CROT: variants seen among roughly 807,000 people sequenced by gnomAD.
The protein encoded by CROT is peroxisomal carnitine O-octanoyltransferase.
Under a neutral mutation model 89.2 loss-of-function variants are expected in CROT, and 84 were observed. The ratio of observed to expected loss-of-function variants is 0.94; its 90% CI spans 0.79 to 1.13. CROT has a LOEUF of 1.13. CROT is among the 50% of genes most tolerant of loss of function. The probability of loss-of-function intolerance (pLI) is 0.00; values close to 1 mark genes in which losing one functional copy is unlikely to be tolerated. For synonymous variants in CROT, 212 were observed against 239.5 expected (o/e 0.89, Z 1.06); for missense variants, 711 against 727.8 (o/e 0.98, Z 0.27).
Position 87,375,700 on chromosome 7 carries a change from G to A in CROT, c.725G>A (p.Ser242Asn), listed in dbSNP as rs1375565494. 1 of 1,613,576 alleles carries A rather than the reference G, an allele frequency of 6.2e-7. No individual in the cohort carries two copies. Residue 242 changes from serine (S) to asparagine (N), a missense_variant, in exon 8 of 18, where the codon AGT becomes AAT. Physicochemically the swap from Ser to Asn is conservative, Grantham distance 46. Coordinates refer to ENST00000331536, the MANE Select transcript of CROT (RefSeq NM_021151.4). ...GGACCTGGGATTGCAGCATTAACTA[G>A]TGAGGAGCGAACTCGATGGGCTAAG... ...PDGPGIAALT[S>N]EERTRWAKAR...
chr7:87,357,129 A>G (rs1806104911), intron 3 of CROT, among the ~76,000 whole-genome samples: 1 of 152,202 alleles, frequency 6.6e-6, no homozygotes, highest in Non-Finnish European at 1.5e-5. Flanking sequence ...AAGTGTGGAA[A>G]GTGAATGCAG....
chr7:87,391,494 C>A, intron 13 of CROT, 95 bp from the exon 14 acceptor site: 1 of 1,239,688 alleles, frequency 8.1e-7, no homozygotes, highest in Non-Finnish European at 1.1e-6. Flanking sequence ...AGGGCTTAGT[C>A]TCTGAACAAA....
chr7:87,357,735 A>G, intron 3 of CROT: 4 of 596,142 alleles, frequency 6.7e-6, no homozygotes, highest in Non-Finnish European at 1.2e-5. Context: ...TGTAAAGACT[A>G]AACTAAGCTA....
At chr7:87,383,100 G>T (rs1807075907) in intron 13 of CROT, among the ~76,000 whole-genome samples, 1 of 152,098 alleles carries the variant, frequency 6.6e-6, no homozygotes. Context: ...CATTTATTAC[G>T]TCTTCGTGTG....
At chr7:87,368,737 G>C (rs954977226) in intron 6 of CROT, among the ~76,000 whole-genome samples, 2 of 152,014 alleles carry the variant, frequency 1.3e-5, no homozygotes, top group Non-Finnish European at 2.9e-5. Flanking sequence ...AAGATCCTTG[G>C]CAAAAGGACA....
intron 4 of CROT, 31 bp downstream of exon 4, chr7:87,359,361 T>C (rs976507979): frequency 6.4e-7 from 1 of 1,556,684 alleles, no homozygotes; most frequent in Non-Finnish European, 8.7e-7. Context: ...ATAATGATGA[T>C]GTTTAAAGAA....
At chr7:87,394,292 CTT>C (rs767442653) in intron 17 of CROT, among the ~76,000 whole-genome samples, 30 of 152,134 alleles carry the variant, frequency 2.0e-4, no homozygotes, top group Non-Finnish European at 3.5e-4. Flanking sequence ...CAGTTTGTCT[CTT>C]TAGCAGATCA....
At chr7:87,384,494 T>C (rs1245807733) in intron 13 of CROT, among the ~76,000 whole-genome samples, 1 of 152,226 alleles carries the variant, frequency 6.6e-6, no homozygotes, top group Non-Finnish European at 1.5e-5. Flanking sequence ...ATCGTGCCAC[T>C]GCACTCCAGC....
At chr7:87,355,739 A>T (rs1341973501) in intron 3 of CROT, among the ~76,000 whole-genome samples, 1 of 152,200 alleles carries the variant, frequency 6.6e-6, no homozygotes, top group Non-Finnish European at 1.5e-5. Context: ...CAAATAGGTT[A>T]TCCAACTCTG....
At chr7:87,374,378 G>A (rs962287081) in intron 7 of CROT, among the ~76,000 whole-genome samples, 5 of 151,868 alleles carry the variant, frequency 3.3e-5, no homozygotes, top group African/African-American at 7.3e-5. Context: ...CTTGTAAAAC[G>A]AACATGAAAA....
At chr7:87,346,775 T>C (rs1431867587) in intron 2 of CROT, among the ~76,000 whole-genome samples, 2 of 152,236 alleles carry the variant, frequency 1.3e-5, no homozygotes, top group Non-Finnish European at 1.5e-5. Context: ...TAGTCTTCTA[T>C]TGCTGCCTTA....
At chr7:87,366,683 T>C (rs7802658) in intron 6 of CROT, among the ~76,000 whole-genome samples, 108,217 of 152,102 alleles carry the variant, frequency 0.71, 40,710 homozygotes, top group Middle Eastern at 0.83. Context: ...TTCTTTCTGG[T>C]TCTTCACCAT....
At chr7:87,396,690 TAA>T (rs11417845) in intron 17 of CROT, among the ~76,000 whole-genome samples, 1 of 148,890 alleles carries the variant, frequency 6.7e-6, no homozygotes, top group Non-Finnish European at 1.5e-5. Flanking sequence ...ATGCTGATTG[TAA>T]AAAAAAAAAA....
At chr7:87,397,952 C>G (rs1807596184) in intron 17 of CROT, among the ~76,000 whole-genome samples, 1 of 152,174 alleles carries the variant, frequency 6.6e-6, no homozygotes, top group African/African-American at 2.4e-5. Flanking sequence ...CTATTTATTT[C>G]AGCTTCCCAG....
intron 6 of CROT, among the ~76,000 whole-genome samples, chr7:87,366,606 T>C (rs2051950): frequency 0.13 from 20,180 of 152,148 alleles, 1,930 homozygotes; most frequent in African/African-American, 0.27. Flanking sequence ...TTTGGCCACA[T>C]TGTGATTTAC....
intron 13 of CROT, among the ~76,000 whole-genome samples, chr7:87,384,626 A>G (rs549473989): frequency 2.0e-5 from 3 of 152,276 alleles, no homozygotes; most frequent in East Asian, 3.9e-4. Flanking sequence ...CTGATTATTA[A>G]TTTCTTGGGA....
chr7:87,398,598 G>A lies in CROT; in HGVS notation c.1793G>A (p.Cys598Tyr). 6.2e-7 allele frequency: 1 copy of A among 1,613,654 alleles called. No individual in the cohort carries two copies. Among genetic ancestry groups the A allele is most frequent in the Non-Finnish European group, 8.5e-7 (1 of 1,179,846 alleles). The change falls in exon 18 of 18, where the codon TGT (cysteine) becomes TAT (tyrosine). Residue 598 changes from cysteine (C) to tyrosine (Y), a missense_variant. By Grantham distance (194) the Cys-to-Tyr change is radical (BLOSUM62 -2). Coordinates refer to ENST00000331536, the MANE Select transcript of CROT (RefSeq NM_021151.4). ...GAAAAGCTAGTTCAGCTGACTTTTTGTGCTTTTCATGATATGATACAGCTG... is the reference window on the plus strand; with the variant it reads ...GAAAAGCTAGTTCAGCTGACTTTTTATGCTTTTCATGATATGATACAGCTG... ...DAEKLVQLTF[C>Y]AFHDMIQLMN...
intron 17 of CROT, among the ~76,000 whole-genome samples, chr7:87,397,350 C>A (rs1266635302): frequency 5.6e-4 from 82 of 146,154 alleles, no homozygotes; most frequent in African/African-American, 5.5e-4. Context: ...GACTCTTTCT[C>A]AAAAAAAAAA....
intron 13 of CROT, among the ~76,000 whole-genome samples, chr7:87,383,253 A>G (rs1014838017): frequency 5.9e-5 from 9 of 152,126 alleles, no homozygotes; most frequent in African/African-American, 2.2e-4. Context: ...ACTTCTCTTC[A>G]ATCTCCTCTC....
Sources: gnomAD v4.1 joint callset for allele counts (sites outside exome capture counted in the v4.1 genomes callset) on GRCh38, gnomAD v4.1.1 for gene constraint, MANE v1.5 for transcripts, NCBI Gene and HGNC (gene_info 2026-07-23, HGNC 2026-07-21) for gene names.